KAT6B: variants seen among roughly 807,000 people sequenced by gnomAD.
KAT6B encodes the protein lysine acetyltransferase 6B, also known as histone acetyltransferase KAT6B.
KAT6B carries 10 observed loss-of-function variants against 187.5 expected under a neutral mutation model. The ratio of observed to expected loss-of-function variants is 0.05; its 90% CI spans 0.03 to 0.09. The LOEUF (loss-of-function observed/expected upper bound fraction) is 0.09. KAT6B is among the 10% of genes least tolerant of loss of function. The pLI is 1.00. For missense variants in KAT6B, 1,952 were observed against 2,558.9 expected, an observed-to-expected ratio of 0.76 and a Z score of 5.12; for synonymous variants, 861 against 926.8, an observed-to-expected ratio of 0.93 and a Z score of 1.29.
chr10:74,846,128 T>C (rs1444283989), intron 3 of KAT6B, among the ~76,000 whole-genome samples: 1 of 151,998 alleles, frequency 6.6e-6, no homozygotes, highest in African/African-American at 2.4e-5. Flanking sequence ...CCTCCCAAGG[T>C]GCTGGGATTA....
chr10:74,848,067 C>CAT (rs1842232629), intron 3 of KAT6B, among the ~76,000 whole-genome samples: 2 of 151,716 alleles, frequency 1.3e-5, no homozygotes, highest in Admixed American at 6.6e-5. Flanking sequence ...TACAGGCGTG[C>CAT]GCCACCATGC....
At chr10:74,900,622 C>T (rs1846313158) in intron 3 of KAT6B, among the ~76,000 whole-genome samples, 1 of 152,230 alleles carries the variant, frequency 6.6e-6, no homozygotes, top group African/African-American at 2.4e-5. Flanking sequence ...AGAGTGTGCT[C>T]ACTCAACTGG....
At chr10:75,001,448 G>A (rs958660255) in intron 13 of KAT6B, among the ~76,000 whole-genome samples, 2 of 151,670 alleles carry the variant, frequency 1.3e-5, no homozygotes, top group South Asian at 2.1e-4. Flanking sequence ...TTCTACCCAG[G>A]GGGGTATCAT....
intron 1 of KAT6B, among the ~76,000 whole-genome samples, chr10:74,829,764 A>T (rs191357435): frequency 1.3e-5 from 2 of 151,422 alleles, no homozygotes; most frequent in East Asian, 4.0e-4. Flanking sequence ...CACGCCTGTA[A>T]TCCCAGCACT....
intron 3 of KAT6B, among the ~76,000 whole-genome samples, chr10:74,890,185 C>T (rs780782606): frequency 4.6e-5 from 7 of 152,118 alleles, no homozygotes; most frequent in Non-Finnish European, 1.0e-4. Flanking sequence ...ACTACAGGCA[C>T]ATGCCAGCTG....
intron 3 of KAT6B, among the ~76,000 whole-genome samples, chr10:74,925,313 A>G (rs1848416744): frequency 6.6e-6 from 1 of 152,158 alleles, no homozygotes; most frequent in South Asian, 2.1e-4. Flanking sequence ...AAGTGCTGGG[A>G]TTACAGGCGT....
At chr10:74,924,842 C>CTACT (rs1848376188) in intron 3 of KAT6B, among the ~76,000 whole-genome samples, 1 of 152,062 alleles carries the variant, frequency 6.6e-6, no homozygotes, top group Admixed American at 6.6e-5. Context: ...TAAATGCTTC[C>CTACT]TACTGCTCGG....
At chr10:74,829,601 T>G (rs1201292842) in intron 1 of KAT6B, among the ~76,000 whole-genome samples, 1 of 151,940 alleles carries the variant, frequency 6.6e-6, no homozygotes, top group Non-Finnish European at 1.5e-5. Context: ...TACAGACATG[T>G]GCCCAGCTAA....
chr10:74,977,257 A>G (rs571765931), intron 8 of KAT6B, 59 bp from the exon 9 acceptor site: 3 of 1,593,576 alleles, frequency 1.9e-6, no homozygotes, highest in African/African-American at 2.7e-5. Context: ...TTGGTAATAT[A>G]TGGTGGTTAC....
At chr10:74,943,839 A>T (rs1849879054) in intron 3 of KAT6B, among the ~76,000 whole-genome samples, 1 of 152,242 alleles carries the variant, frequency 6.6e-6, no homozygotes, top group Admixed American at 6.5e-5. Context: ...AGGAAAATGG[A>T]AAGGCAAGCC....
intron 13 of KAT6B, among the ~76,000 whole-genome samples, chr10:74,993,995 C>G (rs749802599): frequency 6.6e-5 from 10 of 152,180 alleles, no homozygotes; most frequent in Non-Finnish European, 1.5e-4. Flanking sequence ...CAGTAAGCAT[C>G]TGGTGAGAAG....
chr10:74,973,888 C>A (rs1030424421), intron 7 of KAT6B, among the ~76,000 whole-genome samples: 4 of 152,058 alleles, frequency 2.6e-5, no homozygotes, highest in African/African-American at 4.8e-5. Flanking sequence ...ATTAAAAAAA[C>A]CAAATTAGGA....
chr10:74,996,862 A>G (rs762998893), intron 13 of KAT6B, among the ~76,000 whole-genome samples: 2 of 152,056 alleles, frequency 1.3e-5, no homozygotes, highest in African/African-American at 2.4e-5. Flanking sequence ...CATCAAAGCA[A>G]TGAAAGAATA....
At chr10:74,997,595 A>G (rs1843526074) in intron 13 of KAT6B, among the ~76,000 whole-genome samples, 1 of 152,144 alleles carries the variant, frequency 6.6e-6, no homozygotes, top group Non-Finnish European at 1.5e-5. Flanking sequence ...TGAAAAAAAA[A>G]TTGTTGGTGG....
intron 10 of KAT6B, 33 bp from the exon 11 acceptor site, chr10:74,981,754 C>T: frequency 4.3e-6 from 6 of 1,398,582 alleles, no homozygotes; most frequent in Non-Finnish European, 6.1e-6. Context: ...TATAATCTAT[C>T]TGATAGATTC....
chr10:74,889,776 G>A (rs880008), intron 3 of KAT6B, among the ~76,000 whole-genome samples: 4,843 of 152,304 alleles, frequency 0.032, 158 homozygotes, highest in East Asian at 0.11. Flanking sequence ...GAGATGACCT[G>A]CCATAGGTTG....
intron 3 of KAT6B, among the ~76,000 whole-genome samples, chr10:74,879,100 T>C (rs1193635390): frequency 1.3e-5 from 2 of 152,202 alleles, no homozygotes; most frequent in African/African-American, 4.8e-5. Context: ...GTCAAGAAAG[T>C]AGCTTCCCAG....
rs117314769 is a variant in KAT6B at position 74,913,456 on chromosome 10, C to T, written c.622-46514C>T. Among the ~76,000 whole-genome samples the T allele has an allele frequency of 7.9e-4, 121 of 152,280 alleles. 2 individuals carry two copies. The East Asian group carries it at 0.023, about 29-fold the overall frequency. ...ATGTGAATTTGTTTTCTCTCTCTCTCAAAATATCCTGTTGTGCTGTGTGTT... is the reference window on the plus strand; with the variant it reads ...ATGTGAATTTGTTTTCTCTCTCTCTTAAAATATCCTGTTGTGCTGTGTGTT... On this transcript the variant is annotated intron_variant, in intron 3 of 17. Transcript: ENST00000287239.
At chr10:74,850,408 T>G (rs2132158856) in intron 3 of KAT6B, among the ~76,000 whole-genome samples, 1 of 152,320 alleles carries the variant, frequency 6.6e-6, no homozygotes, top group Non-Finnish European at 1.5e-5. Context: ...TTGAACATCA[T>G]CATCATTCCG....
Sources: gnomAD v4.1 joint callset for allele counts (sites outside exome capture counted in the v4.1 genomes callset) on GRCh38, gnomAD v4.1.1 for gene constraint, MANE v1.5 for transcripts, NCBI Gene and HGNC (gene_info 2026-07-23, HGNC 2026-07-21) for gene names.